The following TSHZ2 variants were observed in gnomAD, a reference collection of about 807,000 sequenced individuals.
TSHZ2 encodes teashirt homolog 2.
TSHZ2 carries 21 observed loss-of-function variants against 74.4 expected under a neutral mutation model. The ratio of observed to expected loss-of-function variants is 0.28; its 90% CI spans 0.20 to 0.41. TSHZ2 has a LOEUF of 0.41. Among genes scored for constraint, TSHZ2 ranks in the 10% least tolerant of loss-of-function variants. The pLI, the probability that TSHZ2 is intolerant of heterozygous loss-of-function variation, is 1.00. For missense variants in TSHZ2, 1,244 were observed against 1,293.5 expected, an observed-to-expected ratio of 0.96 and a Z score of 0.59; for synonymous variants, 540 against 515.3, an observed-to-expected ratio of 1.05 and a Z score of -0.65.
intron 2 of TSHZ2, among the ~76,000 whole-genome samples, chr20:53,306,181 G>A (rs117828552): frequency 0.014 from 2,198 of 152,198 alleles, 36 homozygotes; most frequent in Non-Finnish European, 0.022. Flanking sequence ...CTCCGTGAGC[G>A]TGGCAACCGT....
At chr20:53,416,273 C>T (rs549614251) in intron 2 of TSHZ2, among the ~76,000 whole-genome samples, 29 of 152,264 alleles carry the variant, frequency 1.9e-4, no homozygotes, top group East Asian at 1.3e-3. Context: ...AGGATGAAGG[C>T]GGTGGGAAGT....
chr20:53,406,548 G>A (rs1982860297), intron 2 of TSHZ2, among the ~76,000 whole-genome samples: 1 of 152,064 alleles, frequency 6.6e-6, no homozygotes. Context: ...TATGGCAGGT[G>A]GACAAGCAAG....
rs1037582840 is a variant in TSHZ2, at chr20:53,490,843, T to G, written c.*3708T>G. ...GTATTCATATATATGTGTATACATA[T>G]GAATTTCACTGTTATTTTCCAGGGT... On this transcript the variant is annotated 3_prime_UTR_variant, in exon 3 of 3. Transcript: ENST00000371497. 1 of 152,236 alleles carries G rather than the reference T, an allele frequency of 6.6e-6. No individual in the cohort carries two copies. The highest frequency in any genetic ancestry group is 2.1e-4 in the South Asian group (1 of 4,834). 9.4% of individuals were successfully genotyped at this position (152,236 alleles called of 1,614,324 possible). A position where few individuals can be genotyped will look rare whatever the true frequency, so the allele number is the denominator to read the frequency against.
chr20:53,141,758 G>A (rs536805005), intron 1 of TSHZ2, among the ~76,000 whole-genome samples: 2 of 152,348 alleles, frequency 1.3e-5, no homozygotes, highest in South Asian at 4.1e-4. Flanking sequence ...TGACCTCGCT[G>A]TGCCTTGCAC....
chr20:53,121,501 C>T (rs1986809490), intron 1 of TSHZ2, among the ~76,000 whole-genome samples: 1 of 152,154 alleles, frequency 6.6e-6, no homozygotes. Flanking sequence ...CTGCAGGGAG[C>T]AGTGGGGACT....
chr20:53,041,925 A>G (rs1984054025), intron 1 of TSHZ2, among the ~76,000 whole-genome samples: 1 of 152,190 alleles, frequency 6.6e-6, no homozygotes, highest in Admixed American at 6.5e-5. Flanking sequence ...GTGAATTGGA[A>G]GTCTGTTTTC....
At chr20:53,324,297 C>T (rs1031491115) in intron 2 of TSHZ2, among the ~76,000 whole-genome samples, 5 of 152,112 alleles carry the variant, frequency 3.3e-5, no homozygotes, top group Admixed American at 6.6e-5. Flanking sequence ...CAACAGCAGG[C>T]GGGTCCAGTG....
At chr20:53,029,688 A>G (rs1287733891) in intron 1 of TSHZ2, among the ~76,000 whole-genome samples, 3 of 152,188 alleles carry the variant, frequency 2.0e-5, no homozygotes, top group Non-Finnish European at 4.4e-5. Flanking sequence ...AAAATTAATA[A>G]ATACGGATAA....
At chr20:53,227,673 G>T (rs1989716475) in intron 1 of TSHZ2, among the ~76,000 whole-genome samples, 1 of 152,082 alleles carries the variant, frequency 6.6e-6, no homozygotes, top group Admixed American at 6.5e-5. Flanking sequence ...TCCATTAGCT[G>T]CCCTACAGCA....
chr20:53,132,312 A>ATTT (rs1261638254), intron 1 of TSHZ2, among the ~76,000 whole-genome samples: 3 of 133,918 alleles, frequency 2.2e-5, no homozygotes, highest in African/African-American at 1.0e-4. Context: ...TTCTGCCCCT[A>ATTT]ATTTTTTTTT....
At chr20:53,010,450 A>G (rs951225055) in intron 1 of TSHZ2, among the ~76,000 whole-genome samples, 1 of 152,170 alleles carries the variant, frequency 6.6e-6, no homozygotes, top group African/African-American at 2.4e-5. Context: ...AGTGGAAAAC[A>G]TGACTCTGCT....
chr20:53,301,186 G>C (rs1991470821), intron 2 of TSHZ2, among the ~76,000 whole-genome samples: 1 of 151,978 alleles, frequency 6.6e-6, no homozygotes, highest in Non-Finnish European at 1.5e-5. Flanking sequence ...TTGAACTCCT[G>C]ACCTCAAGTG....
At chr20:53,190,119 A>G (rs1473621877) in intron 1 of TSHZ2, among the ~76,000 whole-genome samples, 1 of 84,006 alleles carries the variant, frequency 1.2e-5, no homozygotes, top group Non-Finnish European at 2.3e-5. Flanking sequence ...ATATATATAT[A>G]TATATATATA....
At chr20:53,437,864 C>T (rs773844869) in intron 2 of TSHZ2, among the ~76,000 whole-genome samples, 14 of 152,172 alleles carry the variant, frequency 9.2e-5, no homozygotes, top group African/African-American at 2.2e-4. Flanking sequence ...CTCTCTCTTG[C>T]GTGTGATGTG....
intron 1 of TSHZ2, among the ~76,000 whole-genome samples, chr20:53,024,525 T>G (rs1983364743): frequency 6.6e-6 from 1 of 152,082 alleles, no homozygotes; most frequent in East Asian, 1.9e-4. Flanking sequence ...CTTTAAGATC[T>G]GCAGTACATG....
intron 2 of TSHZ2, among the ~76,000 whole-genome samples, chr20:53,268,104 G>T (rs1388853048): frequency 6.6e-6 from 1 of 152,168 alleles, no homozygotes; most frequent in Non-Finnish European, 1.5e-5. Context: ...CTTTTCAGGA[G>T]AAAGTGTGGA....
intron 1 of TSHZ2, among the ~76,000 whole-genome samples, chr20:53,211,975 A>C (rs1180891059): frequency 1.3e-5 from 2 of 152,166 alleles, no homozygotes; most frequent in Admixed American, 1.3e-4. Flanking sequence ...CATGAAGACA[A>C]AACTGCTGAT....
chr20:53,271,298 A>G (rs6013654), intron 2 of TSHZ2, among the ~76,000 whole-genome samples: 49,333 of 151,978 alleles, frequency 0.32, 11,391 homozygotes, highest in African/African-American at 0.66. Context: ...ACTTCTTTGA[A>G]CCTCAGCTGT....
intron 1 of TSHZ2, among the ~76,000 whole-genome samples, chr20:52,992,588 G>C (rs567384201): frequency 6.6e-6 from 1 of 152,140 alleles, no homozygotes; most frequent in Non-Finnish European, 1.5e-5. Flanking sequence ...GCCACAAATG[G>C]AGAGAAAGAA....
Sources: allele counts gnomAD v4.1 joint callset (sites outside exome capture counted in the v4.1 genomes callset), GRCh38; gene constraint gnomAD v4.1.1; transcripts MANE v1.5; gene names NCBI Gene and HGNC (gene_info 2026-07-23, HGNC 2026-07-21).